Variants in ZFX observed in about 807,000 individuals in gnomAD.
ZFX encodes the protein zinc finger protein X-linked.
For synonymous variants in ZFX, 196 were observed against 226.8 expected (o/e 0.86, Z 1.22); for missense variants, 362 against 628.3 (o/e 0.58, Z 4.53).
At chrX:24,155,155 A>G (rs771201477) in intron 3 of ZFX, among the ~76,000 whole-genome samples, 1 of 111,215 alleles carries the variant, frequency 9.0e-6, no homozygotes, top group East Asian at 2.8e-4. Context: ...TCTCAACAAA[A>G]GGGAAAAAAG....
chrX:24,198,590 T>C (rs1182209288), intron 5 of ZFX, among the ~76,000 whole-genome samples: 1 of 110,289 alleles, frequency 9.1e-6, no homozygotes, highest in East Asian at 2.9e-4. Context: ...GCTTGCTTAC[T>C]CTATATGCTG....
intron 3 of ZFX, among the ~76,000 whole-genome samples, chrX:24,172,106 C>A (rs925753417): frequency 5.4e-5 from 6 of 112,026 alleles, no homozygotes; most frequent in African/African-American, 1.6e-4. Flanking sequence ...GAATTTACTT[C>A]TCTAGATGAG....
At chrX:24,183,481 C>T (rs1301917666) in intron 5 of ZFX, among the ~76,000 whole-genome samples, 1 of 111,402 alleles carries the variant, frequency 9.0e-6, no homozygotes, top group Non-Finnish European at 1.9e-5. Flanking sequence ...GCTACCACGC[C>T]TGGCCGAAAA....
chrX:24,159,845 G>A (rs1322097855), intron 3 of ZFX, among the ~76,000 whole-genome samples: 2 of 111,794 alleles, frequency 1.8e-5, no homozygotes, highest in African/African-American at 6.5e-5. Flanking sequence ...GGTGTCTTTT[G>A]AGTGTAAATT....
Position 24,211,287 on chromosome X carries a change from C to T in ZFX, c.2329C>T (p.Arg777Trp), listed in dbSNP as rs1486637918. The T allele has an allele frequency of 5.8e-6, 7 of 1,211,842 alleles. No individual in the cohort carries two copies. Among genetic ancestry groups the T allele is most frequent in the Non-Finnish European group, 7.8e-6 (7 of 895,554 alleles). The change falls in exon 10 of 10, where the codon CGG (arginine) becomes TGG (tryptophan). Residue 777 changes from arginine (R) to tryptophan (W), a missense_variant. Coordinates refer to ENST00000304543, the MANE Select transcript of ZFX (RefSeq NM_003410.4). Reference sequence around the variant, plus strand: ...CATTCACACGAAAGACTATCCTCACCGGTGTGAGTACTGCAAGAAAGGCTT... The same window carrying T: ...CATTCACACGAAAGACTATCCTCACTGGTGTGAGTACTGCAAGAAAGGCTT... ...ISIHTKDYPH[R>W]CEYCKKGFRR...
chrX:24,173,228 CT>C (rs1228173946), intron 4 of ZFX, among the ~76,000 whole-genome samples: 1 of 112,064 alleles, frequency 8.9e-6, no homozygotes, highest in Non-Finnish European at 1.9e-5. Context: ...CATTCTTAGT[CT>C]GGAAATAACT....
intron 5 of ZFX, among the ~76,000 whole-genome samples, chrX:24,197,994 TAGAA>T (rs1204817295): frequency 8.1e-5 from 9 of 111,350 alleles, no homozygotes; most frequent in Non-Finnish European, 1.1e-4. Flanking sequence ...GATCAATCAA[TAGAA>T]AGAACCCTAG....
chrX:24,213,247 C>G lies in ZFX; in HGVS notation c.*1871C>G, dbSNP rs1216385939. ...CAGTGTCATACATTCATAAAACAAA[C>G]TCGGTTAATTAGAACTTGGTTATGT... On this transcript the variant is annotated 3_prime_UTR_variant, in exon 10 of 10. Transcript: ENST00000304543. The G allele has an allele frequency of 8.9e-6, 1 of 112,023 alleles. No individual in the cohort carries two copies. The highest frequency in any genetic ancestry group is 2.8e-4 in the East Asian group (1 of 3,576). The allele number at this position is 112,023 out of a possible 1,213,427, so 9.2% of individuals were successfully genotyped here. A position where few individuals can be genotyped will look rare whatever the true frequency, so the allele number is the denominator to read the frequency against.
Position 24,211,596 on chromosome X carries a change from A to T in ZFX, c.*220A>T. On this transcript the variant is annotated 3_prime_UTR_variant, in exon 10 of 10. Transcript: ENST00000304543. ...TTAATAAATAGGGAAAACTGGCAAC[A>T]TGCTAGTTACTTTTAATAAAGTAAT... is the stretch of plus-strand genomic sequence containing the variant. 1 of 403,174 alleles carries T rather than the reference A, an allele frequency of 2.5e-6. No individual in the cohort carries two copies. Among genetic ancestry groups the T allele is most frequent in the Non-Finnish European group, 4.2e-6 (1 of 239,382 alleles). The allele number at this position is 403,174 out of a possible 1,213,427, so 33.2% of individuals were successfully genotyped here.
chrX:24,186,935 A>G (rs948414244), intron 5 of ZFX, among the ~76,000 whole-genome samples: 1 of 112,260 alleles, frequency 8.9e-6, no homozygotes, highest in Non-Finnish European at 1.9e-5. Context: ...ATAAGTGAAT[A>G]TATGAATGTT....
rs1017432532 is a variant in ZFX, at chrX:24,209,237, A to G, written c.1234+197A>G. ...TTCCTTGGATAAAAAGAAACAGGAC[A>G]TGGCTGAAACATGGATGAGAAAAAT... is the stretch of plus-strand genomic sequence containing the variant. On this transcript the variant is annotated intron_variant, in intron 9 of 9. Coordinates refer to ENST00000304543, the MANE Select transcript of ZFX (RefSeq NM_003410.4). 14 of 646,197 alleles carry G rather than the reference A, an allele frequency of 2.2e-5. No homozygotes were observed. In the African/African-American group the frequency reaches 2.9e-4, roughly 13 times the overall value. The allele number at this position is 646,197 out of a possible 1,213,427, so 53.3% of individuals were successfully genotyped here.
At chrX:24,154,747 T>C (rs1932620043) in intron 3 of ZFX, among the ~76,000 whole-genome samples, 1 of 111,900 alleles carries the variant, frequency 8.9e-6, no homozygotes, top group Non-Finnish European at 1.9e-5. Flanking sequence ...ACAGTGCCAC[T>C]TGTTTTACTA....
Position 24,215,797 on chromosome X carries a change from G to C in ZFX, c.*4421G>C, listed in dbSNP as rs1938428964. On this transcript the variant is annotated 3_prime_UTR_variant, in exon 10 of 10. Transcript: ENST00000304543. ...TGGTTACATTCTTCAAAGGTAAACTGAGTTGAGAGGAAGATTCAGCATTTA... is the reference window on the plus strand; with the variant it reads ...TGGTTACATTCTTCAAAGGTAAACTCAGTTGAGAGGAAGATTCAGCATTTA... The C allele has an allele frequency of 9.1e-6, 1 of 110,113 alleles. No homozygotes were observed. The allele number at this position is 110,113 out of a possible 1,213,427, so 9.1% of individuals were successfully genotyped here. A position where few individuals can be genotyped will look rare whatever the true frequency, so the allele number is the denominator to read the frequency against.
rs894489505 is a variant in ZFX at position 24,172,649 on chromosome X, A to G, written c.-28-66A>G. The G allele has an allele frequency of 6.8e-5, 55 of 803,377 alleles. 1 individual carries two copies. In the African/African-American group the frequency reaches 1.1e-3, roughly 16 times the overall value. 66.2% of individuals were successfully genotyped at this position (803,377 alleles called of 1,213,427 possible). ...TGAGTGTCTCAGAAATGAAACTATC[A>G]TGATGGCATTTAATACCTGATATGA... On this transcript the variant is annotated intron_variant, in intron 3 of 9. Transcript: ENST00000304543.
intron 5 of ZFX, among the ~76,000 whole-genome samples, chrX:24,198,443 A>AGTG (rs1365626386): frequency 9.2e-6 from 1 of 108,729 alleles, no homozygotes; most frequent in Admixed American, 9.8e-5. Flanking sequence ...GGCCTCCCAA[A>AGTG]GTGGTGTGAT....
intron 3 of ZFX, among the ~76,000 whole-genome samples, chrX:24,165,528 T>C (rs1468155339): frequency 8.9e-6 from 1 of 112,784 alleles, no homozygotes; most frequent in African/African-American, 3.2e-5. Flanking sequence ...ATAAATTAAA[T>C]GCCCAATTTT....
chrX:24,205,075 A>G (rs1389402080), intron 5 of ZFX, among the ~76,000 whole-genome samples: 1 of 112,270 alleles, frequency 8.9e-6, no homozygotes, highest in Non-Finnish European at 1.9e-5. Flanking sequence ...AGGAAAACAG[A>G]TATGTCTAGC....
At position 24,156,296 on chromosome X, in the gene ZFX, A is replaced by C. The variant is rs368795930; in HGVS notation, c.-29+3466A>C. Among the ~76,000 whole-genome samples the C allele has an allele frequency of 1.2e-3, 139 of 111,777 alleles. 1 individual carries two copies. Among genetic ancestry groups the C allele is most frequent in the African/African-American group, 4.4e-3 (134 of 30,785 alleles). On this transcript the variant is annotated intron_variant, in intron 3 of 9. Coordinates refer to ENST00000304543, the MANE Select transcript of ZFX (RefSeq NM_003410.4). ...TTGGCTTTTAGCTCTGTTTGTGGAA[A>C]GTTTTTTATGTAGGACTTCATAATA...
intron 4 of ZFX, chrX:24,173,545 G>C (rs1048354385): frequency 1.8e-6 from 2 of 1,110,519 alleles, no homozygotes; most frequent in African/African-American, 3.7e-5. Flanking sequence ...GATTACCCAT[G>C]GTTATAATTA....
Sources: gnomAD v4.1 joint callset for allele counts (sites outside exome capture counted in the v4.1 genomes callset) on GRCh38, gnomAD v4.1.1 for gene constraint, MANE v1.5 for transcripts, NCBI Gene and HGNC (gene_info 2026-07-23, HGNC 2026-07-21) for gene names.